SCN2A: variants seen among roughly 807,000 people sequenced by gnomAD.
The protein encoded by SCN2A is sodium channel protein type 2 subunit alpha.
SCN2A carries 20 observed loss-of-function variants against 188.7 expected under a neutral mutation model. The observed-to-expected ratio is 0.11, with a 90% CI of 0.07 to 0.15. SCN2A has a LOEUF of 0.15. SCN2A is among the 10% of genes least tolerant of loss of function. The probability of loss-of-function intolerance (pLI) is 1.00; values close to 1 mark genes in which losing one functional copy is unlikely to be tolerated. For synonymous variants in SCN2A, 804 were observed against 833.1 expected, an observed-to-expected ratio of 0.97 and a Z score of 0.60; for missense variants, 1,278 against 2,445.0, an observed-to-expected ratio of 0.52 and a Z score of 10.07.
rs144315540 is a variant in SCN2A at position 165,300,839 on chromosome 2, T to C, written c.386+3704T>C. On this transcript the variant is annotated intron_variant, in intron 3 of 26. Coordinates refer to ENST00000375437, the MANE Select transcript of SCN2A (RefSeq NM_001040142.2). ...GTTTTCAGTAGCAGGATATCATGAC[T>C]TGACTCACATATTTAAAAGATCACT... Among the ~76,000 whole-genome samples, 62 of 152,222 alleles carry C rather than the reference T, an allele frequency of 4.1e-4. 1 individual carries two copies. In the East Asian group the frequency reaches 9.3e-3, roughly 23 times the overall value.
chr2:165,389,651 A>G lies in SCN2A; in HGVS notation c.5845A>G (p.Thr1949Ala), dbSNP rs1388401575. The change falls in exon 27 of 27, where the codon ACT becomes GCT. Residue 1949 changes from threonine (T) to alanine (A), a missense_variant. Thr to Ala is a moderately conservative substitution (Grantham distance 58). Transcript: ENST00000375437. The surrounding 1 kb of genome is among the most constrained non-coding windows in gnomAD (Gnocchi z 4.2). ...TGATGGAACACCCATCAAAGAAGAT[A>G]CTCTCATTGATAAACTGAATGAGAA... The part of the protein sequence containing the change: ...ECDGTPIKED[T>A]LIDKLNENST... 6.2e-7 allele frequency: 1 copy of G among 1,613,802 alleles called. No individual in the cohort carries two copies. The highest frequency in any genetic ancestry group is 1.3e-5 in the African/African-American group (1 of 74,876).
At chr2:165,360,074 C>A (rs1231112258) in intron 17 of SCN2A, among the ~76,000 whole-genome samples, 1 of 151,792 alleles carries the variant, frequency 6.6e-6, no homozygotes, top group African/African-American at 2.4e-5. Context: ...GAAGTTTTCT[C>A]TTTTTTAAGT....
chr2:165,292,402 T>C (rs1039617346), intron 1 of SCN2A, among the ~76,000 whole-genome samples: 3 of 152,096 alleles, frequency 2.0e-5, no homozygotes, highest in African/African-American at 7.2e-5. Flanking sequence ...ATGCCAAAGT[T>C]TGAGGGCACG....
At chr2:165,342,177 A>T (rs1699354174) in intron 14 of SCN2A, 119 bp from the exon 15 acceptor site, 2 of 951,422 alleles carry the variant, frequency 2.1e-6, no homozygotes, top group Non-Finnish European at 3.2e-6. Context: ...TGTTGGACCT[A>T]AACCAATTTT....
At chr2:165,357,046 A>G (rs888919738) in intron 17 of SCN2A, among the ~76,000 whole-genome samples, 2 of 152,204 alleles carry the variant, frequency 1.3e-5, no homozygotes, top group African/African-American at 4.8e-5. Context: ...CTGTTACTTC[A>G]GTGTTAACAT....
chr2:165,362,244 T>C (rs1202410889), intron 17 of SCN2A, among the ~76,000 whole-genome samples: 1 of 152,004 alleles, frequency 6.6e-6, no homozygotes, highest in Non-Finnish European at 1.5e-5. Flanking sequence ...TAGATAAATA[T>C]TTGGCTTTAG....
rs1700086091 is a variant in SCN2A, at chr2:165,354,581, G to A, written c.3309G>A (p.Val1103=). Residue 1103 remains valine, a synonymous_variant, in exon 17 of 27, where the codon GTG becomes GTA. Coordinates refer to ENST00000375437, the MANE Select transcript of SCN2A (RefSeq NM_001040142.2). ...MSFINNPSLT[V]TVPIAVGESD... ...TTATAAACAACCCTAGCCTCACTGTGACAGTACCAATTGCTGTTGGAGAAT... is the reference window on the plus strand; with the variant it reads ...TTATAAACAACCCTAGCCTCACTGTAACAGTACCAATTGCTGTTGGAGAAT... 6.2e-7 allele frequency: 1 copy of A among 1,614,066 alleles called. No individual in the cohort carries two copies.
At chr2:165,309,150 G>T in intron 5 of SCN2A, 1 of 1,612,288 alleles carries the variant, frequency 6.2e-7, no homozygotes, top group Non-Finnish European at 8.5e-7. Flanking sequence ...GAATAACTCT[G>T]ATTTAATTCT....
chr2:165,356,796 A>G (rs752237382), intron 17 of SCN2A, among the ~76,000 whole-genome samples: 6 of 152,220 alleles, frequency 3.9e-5, no homozygotes, highest in Non-Finnish European at 8.8e-5. Context: ...GTCTGAAGTA[A>G]GAGGGAAGTC....
At chr2:165,361,800 A>T (rs896607537) in intron 17 of SCN2A, among the ~76,000 whole-genome samples, 9 of 151,960 alleles carry the variant, frequency 5.9e-5, no homozygotes, top group African/African-American at 2.2e-4. Flanking sequence ...TGATTTAGTA[A>T]TAGTTTTCCT....
Position 165,354,588 on chromosome 2 carries a change from C to T in SCN2A, c.3316C>T (p.Pro1106Ser). 1 of 1,613,904 alleles carries T rather than the reference C, an allele frequency of 6.2e-7. No individual in the cohort carries two copies. Among genetic ancestry groups the T allele is most frequent in the Non-Finnish European group, 8.5e-7 (1 of 1,179,932 alleles). ...CAACCCTAGCCTCACTGTGACAGTA[C>T]CAATTGCTGTTGGAGAATCTGACTT... ...INNPSLTVTV[P>S]IAVGESDFEN... The change falls in exon 17 of 27, where the codon CCA becomes TCA. Residue 1106 changes from proline to serine, a missense_variant. Pro to Ser is a moderately conservative substitution (Grantham distance 74, BLOSUM62 -1). Around this residue, in one of 17 missense-constraint regions of SCN2A, gnomAD observed 228 missense variants for 297.3 expected, o/e 0.77. Coordinates refer to ENST00000375437, the MANE Select transcript of SCN2A (RefSeq NM_001040142.2).
At chr2:165,379,273 A>G (rs1701478729) in intron 23 of SCN2A, among the ~76,000 whole-genome samples, 1 of 151,766 alleles carries the variant, frequency 6.6e-6, no homozygotes, top group African/African-American at 2.4e-5. Context: ...CGCCATATAC[A>G]ACCACATGGA....
chr2:165,259,931 A>ATTTTTTTTTTTTTTTTTTTTTTTTTTTTT (rs140137535), intron 1 of SCN2A, among the ~76,000 whole-genome samples: 1 of 89,494 alleles, frequency 1.1e-5, no homozygotes, highest in Non-Finnish European at 2.1e-5. Context: ...CTAAAAATGG[A>ATTTTTTTTTTTTTTTTTTTTTTTTTTTTT]TTTTTTTTTT....
At chr2:165,380,832 A>G in intron 24 of SCN2A, 103 bp downstream of exon 24, 1 of 964,476 alleles carries the variant, frequency 1.0e-6, no homozygotes, top group Non-Finnish European at 1.6e-6. Context: ...AGAATATAAA[A>G]TTCAGAAATT....
chr2:165,287,424 C>G (rs900833805), intron 1 of SCN2A, among the ~76,000 whole-genome samples: 8 of 152,070 alleles, frequency 5.3e-5, no homozygotes, highest in African/African-American at 1.9e-4. Flanking sequence ...CAGTTAAACT[C>G]TGCCATTTTG....
At position 165,392,117 on chromosome 2, in the gene SCN2A, A is replaced by C. The variant is rs1266888376; in HGVS notation, c.*2293A>C. The C allele has an allele frequency of 6.6e-6, 1 of 152,552 alleles. No homozygotes were observed. Among genetic ancestry groups the C allele is most frequent in the Non-Finnish European group, 1.5e-5 (1 of 68,002 alleles). The allele number at this position is 152,552 out of a possible 1,614,324, so 9.4% of individuals were successfully genotyped here. A position where few individuals can be genotyped will look rare whatever the true frequency, so the allele number is the denominator to read the frequency against. ...GGTAGATTTCTATCATGTAAAAATA[A>C]TCTATCTGAAAAACAAATGTAAAGA... On this transcript the variant is annotated 3_prime_UTR_variant, in exon 27 of 27. Transcript: ENST00000375437.
chr2:165,261,912 G>C (rs746951312), intron 1 of SCN2A, among the ~76,000 whole-genome samples: 1 of 152,160 alleles, frequency 6.6e-6, no homozygotes, highest in South Asian at 2.1e-4. Flanking sequence ...TTGGTTATCA[G>C]TTGAAATTAT....
chr2:165,240,963 G>A (rs1031737054), intron 1 of SCN2A: 2 of 152,180 alleles, frequency 1.3e-5, no homozygotes, highest in South Asian at 2.1e-4. Context: ...TTAAAGAAAA[G>A]CAATTGTAAT....
Position 165,315,451 on chromosome 2 carries a change from C to T in SCN2A, c.1384-20C>T. On this transcript the variant is annotated intron_variant, in intron 10 of 26. Coordinates refer to ENST00000375437, the MANE Select transcript of SCN2A (RefSeq NM_001040142.2). ...TTTTTAAGTTTATATGCAACTTCCA[C>T]ATACTTTGCGCCCTTCTAGGCGGCA... 6.2e-7 allele frequency: 1 copy of T among 1,613,540 alleles called. No individual in the cohort carries two copies. The highest frequency in any genetic ancestry group is 8.5e-7 in the Non-Finnish European group (1 of 1,179,632).
Sources: gnomAD v4.1 joint callset for allele counts (sites outside exome capture counted in the v4.1 genomes callset) on GRCh38, gnomAD v4.1.1 for gene constraint, gnomAD v4.1.1 regional missense constraint, Gnocchi (gnomAD v3.1) non-coding constraint, MANE v1.5 for transcripts, NCBI Gene and HGNC (gene_info 2026-07-23, HGNC 2026-07-21) for gene names.